The following TPCN2 variants were observed in gnomAD, a reference collection of about 807,000 sequenced individuals.
TPCN2 encodes the protein two pore channel protein 2.
In TPCN2, 92 loss-of-function variants were observed where a neutral mutation model predicts 111.4. The ratio of observed to expected loss-of-function variants is 0.83; its 90% CI spans 0.70 to 0.98. The LOEUF (loss-of-function observed/expected upper bound fraction) is 0.98. Ranked by LOEUF, TPCN2 falls within the 50% of genes least tolerant of loss-of-function variation. The pLI, the probability that TPCN2 is intolerant of heterozygous loss-of-function variation, is 0.00. For synonymous variants in TPCN2, 405 were observed against 414.5 expected, an observed-to-expected ratio of 0.98 and a Z score of 0.28; for missense variants, 995 against 980.1, an observed-to-expected ratio of 1.02 and a Z score of -0.20.
rs1050395499 is a variant in TPCN2 at position 69,090,383 on chromosome 11, C to T, written c.*2430C>T. Reference sequence around the variant, plus strand: ...AGCCTCCCATCACTGCCACCCACTCCCCACAGAGATGCCCTGCTCATCCGA... The same window carrying T: ...AGCCTCCCATCACTGCCACCCACTCTCCACAGAGATGCCCTGCTCATCCGA... On this transcript the variant is annotated 3_prime_UTR_variant, in exon 25 of 25. Transcript: ENST00000294309. 1 of 152,232 alleles carries T rather than the reference C, an allele frequency of 6.6e-6. No individual in the cohort carries two copies. The highest frequency in any genetic ancestry group is 2.4e-5 in the African/African-American group (1 of 41,404). 9.4% of individuals were successfully genotyped at this position (152,232 alleles called of 1,614,324 possible).
intron 23 of TPCN2, 86 bp downstream of exon 23, chr11:69,086,690 TG>T: frequency 5.3e-6 from 7 of 1,331,340 alleles, no homozygotes; most frequent in Non-Finnish European, 7.5e-6. Context: ...CGGCCGGGCC[TG>T]CCTGGAACTT....
At chr11:69,071,021 C>A (rs1289305551) in intron 9 of TPCN2, among the ~76,000 whole-genome samples, 1 of 148,646 alleles carries the variant, frequency 6.7e-6, no homozygotes, top group Non-Finnish European at 1.5e-5. Flanking sequence ...CCCCGGGGAT[C>A]CCCCACCAAC....
Position 69,073,016 on chromosome 11 carries a change from A to G in TPCN2, c.1230+15A>G. On this transcript the variant is annotated intron_variant, in intron 13 of 24. Coordinates refer to ENST00000294309, the MANE Select transcript of TPCN2 (RefSeq NM_139075.4). ...TGGTTAAAGAGGTAACTGGGGCCAC[A>G]GCCGCCCAGGGTGGATAGTGGGGGC... is the stretch of plus-strand genomic sequence containing the variant. 3 of 1,606,242 alleles carry G rather than the reference A, an allele frequency of 1.9e-6. No homozygotes were observed. The highest frequency in any genetic ancestry group is 2.6e-6 in the Non-Finnish European group (3 of 1,173,354).
chr11:69,056,079 A>G (rs1854751385), intron 4 of TPCN2, among the ~76,000 whole-genome samples: 1 of 152,184 alleles, frequency 6.6e-6, no homozygotes, highest in Non-Finnish European at 1.5e-5. Context: ...GGTGCAGGCT[A>G]CGTTTTCTAT....
chr11:69,089,898 CCTT>C lies in TPCN2; in HGVS notation c.*1951_*1953del, dbSNP rs1225726195. 7.2e-6 allele frequency: 1 copy of C among 139,674 alleles called. No individual in the cohort carries two copies. Among genetic ancestry groups the C allele is most frequent in the Non-Finnish European group, 1.6e-5 (1 of 61,886 alleles). The allele number at this position is 139,674 out of a possible 1,614,324, so 8.7% of individuals were successfully genotyped here. On this transcript the variant is annotated 3_prime_UTR_variant, in exon 25 of 25. Coordinates refer to ENST00000294309, the MANE Select transcript of TPCN2 (RefSeq NM_139075.4). ...CCTGCTTGTTTGGCCCGTGGGAGCC[CCTT>C]CTTCTGCCTTTTGTGTTTTTTTTGT...
In TPCN2 at chr11:69,081,136, C is replaced by T. The variant is rs1421541050; in HGVS notation, c.1590-264C>T. On this transcript the variant is annotated intron_variant, in intron 17 of 24. Transcript: ENST00000294309. ...GTCTGTGTAGAAGGAGGGCTGCAGC[C>T]TTCCCGCAAGGGCTGGCTGGGAAGG... is the stretch of plus-strand genomic sequence containing the variant. Among the ~76,000 whole-genome samples the T allele has an allele frequency of 2.0e-5, 3 of 151,958 alleles. No individual in the cohort carries two copies. In the East Asian group the frequency reaches 5.8e-4, roughly 29 times the overall value.
chr11:69,085,607 G>GT, intron 20 of TPCN2, 64 bp from the exon 21 acceptor site: 1 of 1,085,998 alleles, frequency 9.2e-7, no homozygotes, highest in South Asian at 1.3e-5. Flanking sequence ...GGAAAGGGGT[G>GT]TAAGGTATCA....
At chr11:69,073,563 C>T (rs530025611) in intron 13 of TPCN2, among the ~76,000 whole-genome samples, 3 of 152,348 alleles carry the variant, frequency 2.0e-5, no homozygotes, top group Admixed American at 6.5e-5. Flanking sequence ...AGACGCCTGC[C>T]AGTTCTGTGT....
At chr11:69,056,088 A>G (rs1313978901) in intron 4 of TPCN2, among the ~76,000 whole-genome samples, 1 of 152,052 alleles carries the variant, frequency 6.6e-6, no homozygotes. Flanking sequence ...TACGTTTTCT[A>G]TTTTTGTCAA....
At chr11:69,059,767 C>G (rs557755098) in intron 5 of TPCN2, among the ~76,000 whole-genome samples, 4 of 152,382 alleles carry the variant, frequency 2.6e-5, no homozygotes, top group Admixed American at 1.3e-4. Flanking sequence ...GATTCATAAC[C>G]TGCATGCCTG....
intron 3 of TPCN2, 82 bp from the exon 4 acceptor site, chr11:69,055,093 C>T (rs779361967): frequency 3.6e-5 from 52 of 1,460,322 alleles, no homozygotes; most frequent in Middle Eastern, 1.8e-4. Context: ...TCCCGTGCTT[C>T]GGACTGGGGA....
Position 69,054,785 on chromosome 11 carries a change from A to AC in TPCN2, c.240dup (p.Val81ArgfsTer102). 1 of 1,614,044 alleles carries AC rather than the reference A, an allele frequency of 6.2e-7. No individual in the cohort carries two copies. The highest frequency in any genetic ancestry group is 1.3e-5 in the African/African-American group (1 of 75,022). The stretch of plus-strand genomic sequence containing the variant: ...TGGCTTTACCGACGGTATTACTCGA[A>AC]CGTATGCCAACGGTGAGAACGCACC... On this transcript the variant is annotated frameshift_variant, in exon 3 of 25. Coordinates refer to ENST00000294309, the MANE Select transcript of TPCN2 (RefSeq NM_139075.4). LOFTEE classifies it high-confidence loss of function.
At chr11:69,066,247 T>C (rs1041326983) in intron 7 of TPCN2, among the ~76,000 whole-genome samples, 1 of 151,872 alleles carries the variant, frequency 6.6e-6, no homozygotes, top group African/African-American at 2.4e-5. Flanking sequence ...GGTCCTGCCG[T>C]CCCCGGTGAC....
At chr11:69,079,393 C>T (rs973566915) in intron 16 of TPCN2, 6 of 293,650 alleles carry the variant, frequency 2.0e-5, no homozygotes, top group Middle Eastern at 2.0e-3. Flanking sequence ...AGGGGGCTCT[C>T]AGGCACCAGG....
At chr11:69,050,273 C>T (rs1413241996) in intron 1 of TPCN2, among the ~76,000 whole-genome samples, 2 of 152,230 alleles carry the variant, frequency 1.3e-5, no homozygotes, top group African/African-American at 4.8e-5. Context: ...CTTGATGAGA[C>T]GCCCAGCATA....
At position 69,088,150 on chromosome 11, in the gene TPCN2, T is replaced by C. The variant is rs1181417091; in HGVS notation, c.*197T>C. ...CCATCTACAGAACAGCTGCTGGTGCTTCAGGGAGGCGCCGTGCCCTCCGCT... is the reference window on the plus strand; with the variant it reads ...CCATCTACAGAACAGCTGCTGGTGCCTCAGGGAGGCGCCGTGCCCTCCGCT... On this transcript the variant is annotated 3_prime_UTR_variant, in exon 25 of 25. Coordinates refer to ENST00000294309, the MANE Select transcript of TPCN2 (RefSeq NM_139075.4). 5 of 562,666 alleles carry C rather than the reference T, an allele frequency of 8.9e-6. No individual in the cohort carries two copies. The highest frequency in any genetic ancestry group is 4.7e-4 in the Middle Eastern group (1 of 2,132). 34.9% of individuals were successfully genotyped at this position (562,666 alleles called of 1,614,324 possible). A position where few individuals can be genotyped will look rare whatever the true frequency, so the allele number is the denominator to read the frequency against.
In TPCN2 at chr11:69,067,602, G is replaced by T; in HGVS notation, c.826G>T (p.Asp276Tyr). The change falls in exon 8 of 25, where the codon GAT (aspartate) becomes TAT (tyrosine). Residue 276 changes from aspartate to tyrosine, a missense_variant. Physicochemically the swap from Asp to Tyr is radical, Grantham distance 160. Transcript: ENST00000294309. ...GCTGCTGACCACGGCCAACAACCCC[G>T]ATGGTGCGTGCAGGGCCAGGGAGGG... ...LVLLTTANNP[D>Y]VMIPAYSKNR... 6.2e-7 allele frequency: 1 copy of T among 1,613,688 alleles called. No homozygotes were observed. Among genetic ancestry groups the T allele is most frequent in the Non-Finnish European group, 8.5e-7 (1 of 1,179,952 alleles).
chr11:69,081,874 T>C (rs7944256), intron 18 of TPCN2, among the ~76,000 whole-genome samples: 132,996 of 152,094 alleles, frequency 0.87, 59,661 homozygotes, highest in Non-Finnish European at 0.99. Flanking sequence ...GGCAGTGGTA[T>C]CCCTGGCCAG....
intron 18 of TPCN2, 146 bp downstream of exon 18, chr11:69,081,645 G>T (rs1042192254): frequency 3.5e-6 from 2 of 568,102 alleles, no homozygotes; most frequent in Admixed American, 2.9e-5. Flanking sequence ...GCTCTCTGCC[G>T]TGCTCTTGTG....
Sources: allele counts gnomAD v4.1 joint callset (sites outside exome capture counted in the v4.1 genomes callset), GRCh38; gene constraint gnomAD v4.1.1; transcripts MANE v1.5; gene names NCBI Gene and HGNC (gene_info 2026-07-23, HGNC 2026-07-21).